Variants in CTNNA2 observed in about 807,000 individuals in gnomAD.
CTNNA2 encodes catenin alpha-2.
A neutral mutation model predicts 101.0 loss-of-function variants in CTNNA2; 42 were observed. The ratio of observed to expected loss-of-function variants is 0.42; its 90% CI spans 0.32 to 0.54. The LOEUF is 0.54. Among genes scored for constraint, CTNNA2 ranks in the 20% least tolerant of loss-of-function variants. The probability of loss-of-function intolerance (pLI) is 0.14; values close to 1 mark genes in which losing one functional copy is unlikely to be tolerated. For missense variants in CTNNA2, 871 were observed against 1,223.1 expected (o/e 0.71, Z 4.29); for synonymous variants, 450 against 456.4 (o/e 0.99, Z 0.18).
chr2:80,027,509 T>C (rs1695006641), intron 7 of CTNNA2, among the ~76,000 whole-genome samples: 3 of 152,168 alleles, frequency 2.0e-5, no homozygotes, highest in South Asian at 2.1e-4. Context: ...ATGGACTATG[T>C]TGGGACAAAA....
chr2:79,548,402 A>G (rs985415900), intron 1 of CTNNA2, among the ~76,000 whole-genome samples: 1 of 152,228 alleles, frequency 6.6e-6, no homozygotes, highest in Non-Finnish European at 1.5e-5. Context: ...GACAAATATG[A>G]GAAATCATTC....
intron 2 of CTNNA2, among the ~76,000 whole-genome samples, chr2:79,243,438 G>A (rs767217749): frequency 6.6e-6 from 1 of 152,106 alleles, no homozygotes; most frequent in African/African-American, 2.4e-5. Flanking sequence ...CTGAAGGGAG[G>A]GGTCACAGGA....
intron 7 of CTNNA2, among the ~76,000 whole-genome samples, chr2:80,306,239 T>C (rs1676932502): frequency 6.6e-6 from 1 of 152,192 alleles, no homozygotes; most frequent in African/African-American, 2.4e-5. Flanking sequence ...CATCACATGC[T>C]GTCTTAGGAG....
intron 9 of CTNNA2, among the ~76,000 whole-genome samples, chr2:80,505,139 A>G (rs1688168192): frequency 6.6e-6 from 1 of 152,222 alleles, no homozygotes; most frequent in South Asian, 2.1e-4. Context: ...GAATGAATGA[A>G]TGAATAAATG....
rs568223748 is a variant in CTNNA2, at chr2:79,389,194, T to C, written c.-135+15181T>C. Among the ~76,000 whole-genome samples the C allele has an allele frequency of 2.4e-4, 36 of 152,318 alleles. No individual in the cohort carries two copies. In the East Asian group the frequency reaches 6.8e-3, roughly 29 times the overall value. ...TAAAAATCACCATAAGGGTCTACAT[T>C]ATTTCCCTGAAGTACAAATCTAACT... On this transcript the variant is annotated intron_variant, in intron 4 of 21. Transcript: ENST00000466387.
intron 3 of CTNNA2, among the ~76,000 whole-genome samples, chr2:79,814,142 A>C (rs187337884): frequency 1.3e-5 from 2 of 152,126 alleles, no homozygotes; most frequent in Non-Finnish European, 2.9e-5. Context: ...TAACTAATAC[A>C]TGAGTGCTCC....
chr2:80,620,895 CAG>C (rs780234195), intron 18 of CTNNA2, among the ~76,000 whole-genome samples: 15 of 151,934 alleles, frequency 9.9e-5, no homozygotes, highest in African/African-American at 1.7e-4. Flanking sequence ...TGTGCAAATT[CAG>C]AGAGTCTATC....
intron 17 of CTNNA2, among the ~76,000 whole-genome samples, chr2:80,610,271 T>C (rs1698349068): frequency 6.6e-6 from 1 of 151,554 alleles, no homozygotes; most frequent in Non-Finnish European, 1.5e-5. Context: ...GCTCCTTCAC[T>C]GATGGCCAAT....
intron 7 of CTNNA2, among the ~76,000 whole-genome samples, chr2:80,159,323 A>G (rs1159739529): frequency 6.6e-6 from 1 of 152,200 alleles, no homozygotes; most frequent in Non-Finnish European, 1.5e-5. Flanking sequence ...AAATTGCCAG[A>G]TTGCCTTCCA....
At chr2:80,606,953 T>A (rs1421115624) in intron 16 of CTNNA2, among the ~76,000 whole-genome samples, 1 of 151,898 alleles carries the variant, frequency 6.6e-6, no homozygotes, top group Non-Finnish European at 1.5e-5. Flanking sequence ...TATTACAGTA[T>A]GAAGTACTTG....
intron 4 of CTNNA2, among the ~76,000 whole-genome samples, chr2:79,385,556 T>C (rs1220230623): frequency 6.6e-6 from 1 of 151,742 alleles, no homozygotes; most frequent in Non-Finnish European, 1.5e-5. Flanking sequence ...GGGATACAAG[T>C]GCAGAATGTG....
intron 9 of CTNNA2, among the ~76,000 whole-genome samples, chr2:80,471,848 C>T (rs371384092): frequency 1.4e-4 from 21 of 152,126 alleles, no homozygotes; most frequent in Admixed American, 5.2e-4. Context: ...AGAAGGTGGC[C>T]GGGCGTAGTG....
intron 2 of CTNNA2, among the ~76,000 whole-genome samples, chr2:79,243,268 G>A (rs1333813953): frequency 6.6e-6 from 1 of 152,016 alleles, no homozygotes; most frequent in Non-Finnish European, 1.5e-5. Flanking sequence ...TTGTAGTTAA[G>A]GGAACTATCC....
intron 3 of CTNNA2, among the ~76,000 whole-genome samples, chr2:79,830,503 A>T (rs1241413998): frequency 1.3e-5 from 2 of 151,690 alleles, no homozygotes. Context: ...GAATCCTAGG[A>T]CTCTCTAAGG....
intron 7 of CTNNA2, among the ~76,000 whole-genome samples, chr2:80,092,684 A>G (rs1558799644): frequency 6.6e-6 from 1 of 151,180 alleles, no homozygotes; most frequent in Non-Finnish European, 1.5e-5. Flanking sequence ...CTGCTTAATC[A>G]ATAGTCTGGG....
At chr2:80,465,859 TTC>T (rs1436313986) in intron 9 of CTNNA2, among the ~76,000 whole-genome samples, 1 of 152,192 alleles carries the variant, frequency 6.6e-6, no homozygotes, top group East Asian at 1.9e-4. Flanking sequence ...GAATTTTATA[TTC>T]TGTTTCAGTA....
At chr2:79,686,946 G>A (rs1378782169) in intron 2 of CTNNA2, among the ~76,000 whole-genome samples, 2 of 152,138 alleles carry the variant, frequency 1.3e-5, no homozygotes, top group African/African-American at 2.4e-5. Flanking sequence ...TGCACCCAGT[G>A]GAAATGCTTC....
intron 2 of CTNNA2, among the ~76,000 whole-genome samples, chr2:79,690,185 G>A (rs1386958533): frequency 6.6e-6 from 1 of 151,906 alleles, no homozygotes; most frequent in Non-Finnish European, 1.5e-5. Flanking sequence ...ACAAAGTTAA[G>A]TGCAATTAGA....
intron 7 of CTNNA2, among the ~76,000 whole-genome samples, chr2:80,392,643 G>T (rs1485980695): frequency 6.6e-6 from 1 of 152,008 alleles, no homozygotes; most frequent in Admixed American, 6.6e-5. Flanking sequence ...CAAGCTGTGG[G>T]TTGCTTATTA....
Sources: gnomAD v4.1 joint callset for allele counts (sites outside exome capture counted in the v4.1 genomes callset) on GRCh38, gnomAD v4.1.1 for gene constraint, MANE v1.5 for transcripts, NCBI Gene and HGNC (gene_info 2026-07-23, HGNC 2026-07-21) for gene names.